Variants in PABPC1L observed in about 807,000 individuals in gnomAD.
PABPC1L encodes poly(A) binding protein cytoplasmic 1 like.
Under a neutral mutation model 66.6 loss-of-function variants are expected in PABPC1L, and 31 were observed. That is an observed-to-expected ratio of 0.47 (90% CI 0.35 to 0.63). The LOEUF (loss-of-function observed/expected upper bound fraction) is 0.63, where lower values mean the gene tolerates loss of function less well. Ranked by LOEUF, PABPC1L falls within the 20% of genes least tolerant of loss-of-function variation. PABPC1L has a pLI of 0.00. For synonymous variants in PABPC1L, 348 were observed against 335.1 expected, an observed-to-expected ratio of 1.04 and a Z score of -0.42; for missense variants, 722 against 848.8, an observed-to-expected ratio of 0.85 and a Z score of 1.86.
At chr20:44,935,312 G>A (rs141873059) in intron 10 of PABPC1L, 79 bp from the exon 11 acceptor site, 1 of 1,016,394 alleles carries the variant, frequency 9.8e-7, no homozygotes, top group Non-Finnish European at 1.5e-6. Flanking sequence ...CTGTTTTGGT[G>A]TTGTTTTGTT....
intron 5 of PABPC1L, among the ~76,000 whole-genome samples, chr20:44,919,508 A>C (rs73296526): frequency 0.03 from 4,496 of 152,276 alleles, 237 homozygotes; most frequent in African/African-American, 0.1. Context: ...TTAGGTAGGG[A>C]TGCAGAAGTC....
chr20:44,911,529 G>GT (rs1295694204), intron 1 of PABPC1L, among the ~76,000 whole-genome samples: 1 of 152,176 alleles, frequency 6.6e-6, no homozygotes, highest in African/African-American at 2.4e-5. Context: ...ACATTCTGAT[G>GT]TAAGACTCCA....
chr20:44,923,121 C>T (rs1014395587), intron 6 of PABPC1L, among the ~76,000 whole-genome samples: 3 of 152,162 alleles, frequency 2.0e-5, no homozygotes, highest in African/African-American at 7.2e-5. Context: ...TTTGGGAGGT[C>T]TGGAAGGAGA....
In PABPC1L at chr20:44,938,065, G is replaced by A. The variant is rs774980909; in HGVS notation, c.1665G>A (p.Glu555=). The A allele has an allele frequency of 5.0e-6, 8 of 1,614,166 alleles. No homozygotes were observed. In the South Asian group the frequency reaches 6.6e-5, roughly 13 times the overall value. ...ATTAGAAGGTGTTCCACACAGGGGA[G>A]CGTCTCTACCCCCTTATCCATGATG... ...PLHEQKQMIG[E]RLYPLIHDVH... The change falls in exon 13 of 15, where the codon GAG becomes GAA. Residue 555 remains glutamate (E), a synonymous_variant. Transcript: ENST00000217073.
chr20:44,917,362 T>C (rs1167355792), intron 3 of PABPC1L, among the ~76,000 whole-genome samples: 2 of 15,684 alleles, frequency 1.3e-4, no homozygotes, highest in Non-Finnish European at 2.4e-4. Context: ...AATTTTTTGA[T>C]TTTTTTTTTT....
At chr20:44,938,463 T>G (rs886144719) in intron 13 of PABPC1L, among the ~76,000 whole-genome samples, 17 of 152,256 alleles carry the variant, frequency 1.1e-4, no homozygotes, top group African/African-American at 4.1e-4. Context: ...GGTTAAGATT[T>G]TTCCAGCTGT....
At position 44,916,987 on chromosome 20, in the gene PABPC1L, A is replaced by C. The variant is rs113813522; in HGVS notation, c.503+116A>C. ...AATGGGCACCAGGCACTTGAGCGGC[A>C]GGCAGCCCTCCTAGAAGTGTGAGCC... is the stretch of plus-strand genomic sequence containing the variant. On this transcript the variant is annotated intron_variant, in intron 3 of 14. Transcript: ENST00000217073. 3,099 of 937,054 alleles carry C rather than the reference A, an allele frequency of 3.3e-3. 49 individuals carry two copies. In the African/African-American group the frequency reaches 0.038, roughly 12 times the overall value. The allele number at this position is 937,054 out of a possible 1,614,324, so 58.0% of individuals were successfully genotyped here. A position where few individuals can be genotyped will look rare whatever the true frequency, so the allele number is the denominator to read the frequency against.
At chr20:44,928,688 G>A (rs866106393) in intron 7 of PABPC1L, among the ~76,000 whole-genome samples, 36 of 151,968 alleles carry the variant, frequency 2.4e-4, no homozygotes, top group African/African-American at 6.5e-4. Context: ...GCAACAGGAT[G>A]AGACCTCATC....
chr20:44,922,425 A>T (rs956034199), intron 6 of PABPC1L, among the ~76,000 whole-genome samples: 5 of 152,004 alleles, frequency 3.3e-5, no homozygotes, highest in African/African-American at 1.2e-4. Flanking sequence ...TTTAGTAGAG[A>T]CAGGGTTTCA....
intron 11 of PABPC1L, among the ~76,000 whole-genome samples, chr20:44,935,952 A>G (rs1036098006): frequency 6.6e-6 from 1 of 152,146 alleles, no homozygotes; most frequent in Non-Finnish European, 1.5e-5. Context: ...GAATGAGAAC[A>G]GTCTTTAAAC....
intron 5 of PABPC1L, among the ~76,000 whole-genome samples, chr20:44,919,607 C>T (rs1003270284): frequency 5.9e-5 from 9 of 152,172 alleles, no homozygotes; most frequent in Non-Finnish European, 1.2e-4. Flanking sequence ...TCTCAGCCTA[C>T]GTGATAGGCT....
chr20:44,919,113 AGGAGGGGCTCTCC>A, intron 4 of PABPC1L, 57 bp from the exon 5 acceptor site: 2 of 1,613,220 alleles, frequency 1.2e-6, no homozygotes, highest in Non-Finnish European at 1.7e-6. Flanking sequence ...TCTGGTAGGG[AGGAGGGGCTCTCC>A]TGGGGTTTCC....
In PABPC1L at chr20:44,924,208, C is replaced by T; in HGVS notation, c.924C>T (p.Asp308=). Residue 308 remains aspartate (D), a synonymous_variant, in exon 7 of 15, where the codon GAC becomes GAT. Coordinates refer to ENST00000217073, the MANE Select transcript of PABPC1L (RefSeq NM_001372179.1). ...ATCTGGACGACTCCATTGATGACGACAAACTGAGGAAAGAGTTCTCTCCCT... is the reference window on the plus strand; with the variant it reads ...ATCTGGACGACTCCATTGATGACGATAAACTGAGGAAAGAGTTCTCTCCCT... ...VKNLDDSIDD[D]KLRKEFSPYG... 1 of 1,614,110 alleles carries T rather than the reference C, an allele frequency of 6.2e-7. No individual in the cohort carries two copies.
chr20:44,925,050 A>G lies in PABPC1L; in HGVS notation c.972+794A>G, dbSNP rs186097759. Among the ~76,000 whole-genome samples the G allele has an allele frequency of 1.7e-4, 26 of 150,856 alleles. No individual in the cohort carries two copies. The East Asian group carries it at 4.6e-3, about 27-fold the overall frequency. Reference sequence around the variant, plus strand: ...AACACGGTGAAACCCCATCTCTACTAAAAATACAAAAAATTAGCCGGGCAT... The same window carrying G: ...AACACGGTGAAACCCCATCTCTACTGAAAATACAAAAAATTAGCCGGGCAT... On this transcript the variant is annotated intron_variant, in intron 7 of 14. Coordinates refer to ENST00000217073, the MANE Select transcript of PABPC1L (RefSeq NM_001372179.1).
intron 5 of PABPC1L, among the ~76,000 whole-genome samples, chr20:44,921,027 G>A (rs1019733479): frequency 6.6e-6 from 1 of 151,336 alleles, no homozygotes; most frequent in Admixed American, 6.6e-5. Context: ...TGGCCAGGCT[G>A]GTTTCGAACT....
chr20:44,924,103 C>T, intron 6 of PABPC1L, 58 bp from the exon 7 acceptor site: 1 of 1,425,294 alleles, frequency 7.0e-7, no homozygotes, highest in Non-Finnish European at 9.9e-7. Context: ...CTGATCTCCC[C>T]AAGGCAGTTG....
chr20:44,926,950 G>T (rs149950769), intron 7 of PABPC1L, among the ~76,000 whole-genome samples: 1 of 151,698 alleles, frequency 6.6e-6, no homozygotes. Flanking sequence ...ATCATGGCAC[G>T]CCACAACCTC....
At position 44,935,391 on chromosome 20, in the gene PABPC1L, C is replaced by A. The variant is rs2066893560; in HGVS notation, c.1460C>A (p.Ala487Asp). Residue 487 changes from alanine (A) to aspartate (D), a missense_variant and splice_region_variant, in exon 11 of 15, where the codon GCC (alanine) becomes GAC (aspartate). Around this residue, in one of 3 missense-constraint regions of PABPC1L, gnomAD observed 301 missense variants for 337.2 expected, o/e 0.89. Transcript: ENST00000217073. ...PRTVPHTQRV[A>D]NIGTQTTGPS... ...TGTTTTGTTTTGTTTTGTTTTGCAGCCAACATTGGTACTCAGACCACAGGA... is the reference window on the plus strand; with the variant it reads ...TGTTTTGTTTTGTTTTGTTTTGCAGACAACATTGGTACTCAGACCACAGGA... The A allele has an allele frequency of 6.2e-7, 1 of 1,612,672 alleles. No individual in the cohort carries two copies. Among genetic ancestry groups the A allele is most frequent in the African/African-American group, 1.3e-5 (1 of 74,856 alleles).
intron 12 of PABPC1L, 57 bp downstream of exon 12, chr20:44,936,787 G>A: frequency 1.3e-6 from 2 of 1,528,380 alleles, no homozygotes; most frequent in South Asian, 1.2e-5. Context: ...GAGCTGGCTA[G>A]CCTGCTGGGA....
Sources: allele counts gnomAD v4.1 joint callset (sites outside exome capture counted in the v4.1 genomes callset), GRCh38; gene constraint gnomAD v4.1.1; regional missense constraint gnomAD v4.1.1; transcripts MANE v1.5; gene names NCBI Gene and HGNC (gene_info 2026-07-23, HGNC 2026-07-21).